TNKS: variants seen among roughly 807,000 people sequenced by gnomAD.
The protein encoded by TNKS is tankyrase.
TNKS carries 72 observed loss-of-function variants against 135.8 expected under a neutral mutation model. The observed-to-expected ratio is 0.53, with a 90% CI of 0.44 to 0.64. The LOEUF (loss-of-function observed/expected upper bound fraction) is 0.64, where lower values mean the gene tolerates loss of function less well. Among genes scored for constraint, TNKS ranks in the 30% least tolerant of loss-of-function variants. The probability of loss-of-function intolerance (pLI) is 0.00; values close to 1 mark genes in which losing one functional copy is unlikely to be tolerated. For synonymous variants in TNKS, 849 were observed against 649.3 expected, an observed-to-expected ratio of 1.31 and a Z score of -4.68; for missense variants, 1,769 against 1,674.0, an observed-to-expected ratio of 1.06 and a Z score of -0.99.
At chr8:9,660,642 C>G (rs543208730) in intron 3 of TNKS, among the ~76,000 whole-genome samples, 12 of 152,210 alleles carry the variant, frequency 7.9e-5, no homozygotes, top group Non-Finnish European at 1.3e-4. Context: ...ACTGAATGGA[C>G]AAAAACTGGA....
intron 2 of TNKS, among the ~76,000 whole-genome samples, chr8:9,600,023 A>C (rs1185432036): frequency 6.6e-6 from 1 of 152,188 alleles, no homozygotes; most frequent in Non-Finnish European, 1.5e-5. Flanking sequence ...ATATTTTTTA[A>C]TATCTCTAAA....
At chr8:9,733,249 A>T (rs779720412) in intron 14 of TNKS, 30 bp from the exon 15 acceptor site, 1 of 1,529,614 alleles carries the variant, frequency 6.5e-7, no homozygotes, top group Non-Finnish European at 8.7e-7. Flanking sequence ...GGTTTGTTTT[A>T]TGACTTTAAA....
intron 23 of TNKS, among the ~76,000 whole-genome samples, chr8:9,765,474 C>G (rs1056160163): frequency 6.6e-6 from 1 of 151,718 alleles, no homozygotes; most frequent in African/African-American, 2.4e-5. Context: ...GAGGTAACAG[C>G]CAGGTCTGGT....
At chr8:9,725,304 C>T (rs969143721) in intron 12 of TNKS, among the ~76,000 whole-genome samples, 2 of 152,170 alleles carry the variant, frequency 1.3e-5, no homozygotes, top group Non-Finnish European at 2.9e-5. Context: ...GATCTGGTTC[C>T]TTTCCTCAAC....
chr8:9,770,094 C>G lies in TNKS; in HGVS notation c.3741-12C>G, dbSNP rs772634113. The G allele has an allele frequency of 6.3e-7, 1 of 1,575,428 alleles. No individual in the cohort carries two copies. The highest frequency in any genetic ancestry group is 8.6e-7 in the Non-Finnish European group (1 of 1,159,558). The stretch of plus-strand genomic sequence containing the variant: ...GCTTCCTTCAAAGCATTGTTTTTTT[C>G]TTTTTCCTTAGACAAATGCTCTTCT... On this transcript the variant is annotated splice_polypyrimidine_tract_variant and intron_variant, in intron 25 of 26. Coordinates refer to ENST00000310430, the MANE Select transcript of TNKS (RefSeq NM_003747.3).
At chr8:9,620,214 C>T (rs1349777254) in intron 3 of TNKS, among the ~76,000 whole-genome samples, 4 of 152,066 alleles carry the variant, frequency 2.6e-5, no homozygotes, top group African/African-American at 7.2e-5. Context: ...CCCAAAGTGC[C>T]GGGATTACAG....
chr8:9,772,839 G>GTC (rs1193313102), intron 26 of TNKS, among the ~76,000 whole-genome samples: 2 of 134,454 alleles, frequency 1.5e-5, no homozygotes, highest in South Asian at 2.4e-4. Context: ...GTCTGTGTGT[G>GTC]TGTGTGTGTG....
At chr8:9,675,595 A>G (rs1018338113) in intron 3 of TNKS, among the ~76,000 whole-genome samples, 1 of 152,230 alleles carries the variant, frequency 6.6e-6, no homozygotes, top group Non-Finnish European at 1.5e-5. Context: ...TAAATGCTTT[A>G]AAGTAGTTTT....
chr8:9,560,854 T>G (rs1215708660), intron 1 of TNKS, among the ~76,000 whole-genome samples: 1 of 152,028 alleles, frequency 6.6e-6, no homozygotes, highest in African/African-American at 2.4e-5. Flanking sequence ...TGAAGGTACC[T>G]CTTTAAAAAA....
chr8:9,658,436 C>G, intron 3 of TNKS: 1 of 1,217,704 alleles, frequency 8.2e-7, no homozygotes, highest in Non-Finnish European at 1.1e-6. Flanking sequence ...GCGGCGGCGG[C>G]TGCCAAGAAA....
rs748780132 is a variant in TNKS at position 9,556,241 on chromosome 8, C to A, written c.302C>A (p.Ala101Asp). 6.2e-7 allele frequency: 1 copy of A among 1,614,124 alleles called. No individual in the cohort carries two copies. Among genetic ancestry groups the A allele is most frequent in the African/African-American group, 1.3e-5 (1 of 74,952 alleles). Reference protein sequence around the residue: ...STTSTICTVAAAPVVPAVSTS... With the variant: ...STTSTICTVADAPVVPAVSTS... ...ACCAGCACAATCTGTACCGTCGCCGCCGCTCCCGTGGTCCCAGCGGTTTCT... is the reference window on the plus strand; with the variant it reads ...ACCAGCACAATCTGTACCGTCGCCGACGCTCCCGTGGTCCCAGCGGTTTCT... The change falls in exon 1 of 27, where the codon GCC becomes GAC. Residue 101 changes from alanine to aspartate, a missense_variant. Physicochemically the swap from Ala to Asp is moderately radical, Grantham distance 126 (BLOSUM62 -2). Coordinates refer to ENST00000310430, the MANE Select transcript of TNKS (RefSeq NM_003747.3).
At chr8:9,584,870 A>C (rs970066631) in intron 2 of TNKS, among the ~76,000 whole-genome samples, 5 of 152,184 alleles carry the variant, frequency 3.3e-5, no homozygotes, top group African/African-American at 1.2e-4. Context: ...TCCACAGCAA[A>C]TCATTCTAAA....
At chr8:9,731,861 C>T (rs1209821949) in intron 14 of TNKS, among the ~76,000 whole-genome samples, 1 of 152,210 alleles carries the variant, frequency 6.6e-6, no homozygotes, top group African/African-American at 2.4e-5. Flanking sequence ...AATCTCGGCT[C>T]ACTGCAAGCT....
rs1001058491 is a variant in TNKS at position 9,777,517 on chromosome 8, C to G, written c.*781C>G. On this transcript the variant is annotated 3_prime_UTR_variant, in exon 27 of 27. Coordinates refer to ENST00000310430, the MANE Select transcript of TNKS (RefSeq NM_003747.3). Reference sequence around the variant, plus strand: ...AGTCAAAGCCGGTGAAGGCCACTTGCTCTTTCCAACACAAGCCTGCCACAG... The same window carrying G: ...AGTCAAAGCCGGTGAAGGCCACTTGGTCTTTCCAACACAAGCCTGCCACAG... The G allele has an allele frequency of 6.6e-6, 1 of 152,254 alleles. No homozygotes were observed. Among genetic ancestry groups the G allele is most frequent in the Non-Finnish European group, 1.5e-5 (1 of 68,094 alleles). The allele number at this position is 152,254 out of a possible 1,614,324, so 9.4% of individuals were successfully genotyped here. A position where few individuals can be genotyped will look rare whatever the true frequency, so the allele number is the denominator to read the frequency against.
intron 3 of TNKS, chr8:9,670,179 A>G (rs1463961775): frequency 6.6e-6 from 1 of 152,226 alleles, no homozygotes; most frequent in Non-Finnish European, 1.5e-5. Flanking sequence ...GATTTCAGAA[A>G]AATATGGAGG....
intron 9 of TNKS, among the ~76,000 whole-genome samples, chr8:9,709,305 T>C (rs1046434274): frequency 1.3e-5 from 2 of 152,240 alleles, no homozygotes; most frequent in Non-Finnish European, 2.9e-5. Flanking sequence ...CACGGTGTTA[T>C]GCTAGGAGAT....
chr8:9,603,891 A>C (rs1318882659), intron 2 of TNKS, among the ~76,000 whole-genome samples: 1 of 152,154 alleles, frequency 6.6e-6, no homozygotes, highest in Non-Finnish European at 1.5e-5. Context: ...GTCAGTGATT[A>C]TTTTCTTTGA....
intron 2 of TNKS, among the ~76,000 whole-genome samples, chr8:9,589,492 A>G (rs963087595): frequency 2.0e-5 from 3 of 152,252 alleles, no homozygotes; most frequent in Admixed American, 1.3e-4. Flanking sequence ...CAGCCTTCTC[A>G]TTAGAATCCT....
intron 5 of TNKS, among the ~76,000 whole-genome samples, chr8:9,687,791 G>T (rs965617001): frequency 2.0e-5 from 3 of 152,160 alleles, no homozygotes; most frequent in Non-Finnish European, 4.4e-5. Context: ...AAGGGAGTTG[G>T]TACTAAATCC....
Sources: allele counts gnomAD v4.1 joint callset (sites outside exome capture counted in the v4.1 genomes callset), GRCh38; gene constraint gnomAD v4.1.1; transcripts MANE v1.5; gene names NCBI Gene and HGNC (gene_info 2026-07-23, HGNC 2026-07-21).